Variants in HDX observed in about 807,000 individuals in gnomAD.
HDX encodes the protein highly divergent homeobox, also known as chromosome X open reading frame 43.
A neutral mutation model predicts 45.2 loss-of-function variants in HDX; 19 were observed. The observed-to-expected ratio is 0.42, with a 90% CI of 0.29 to 0.62. HDX has a LOEUF of 0.62. HDX is among the 20% of genes least tolerant of loss of function. HDX has a pLI of 0.20. For synonymous variants in HDX, 188 were observed against 172.8 expected, an observed-to-expected ratio of 1.09 and a Z score of -0.69; for missense variants, 532 against 493.9, an observed-to-expected ratio of 1.08 and a Z score of -0.73.
chrX:84,405,039 C>T (rs186407128), intron 5 of HDX, among the ~76,000 whole-genome samples: 67 of 110,340 alleles, frequency 6.1e-4, no homozygotes, highest in African/African-American at 2.2e-3. Context: ...TTAATATGAA[C>T]GGAAAAAAGC....
intron 5 of HDX, among the ~76,000 whole-genome samples, chrX:84,366,853 A>C (rs1485622137): frequency 1.8e-5 from 2 of 112,196 alleles, no homozygotes; most frequent in Non-Finnish European, 3.8e-5. Context: ...TTAACTCAAG[A>C]TGGATTAAAG....
intron 4 of HDX, among the ~76,000 whole-genome samples, chrX:84,449,997 C>G (rs954797311): frequency 2.7e-5 from 3 of 110,171 alleles, no homozygotes; most frequent in African/African-American, 9.9e-5. Context: ...GGAGATATAC[C>G]TAATGTTAAA....
chrX:84,387,460 T>G, intron 5 of HDX, among the ~76,000 whole-genome samples: 1 of 111,807 alleles, frequency 8.9e-6, no homozygotes, highest in Non-Finnish European at 1.9e-5. Flanking sequence ...ATTGTCTAAG[T>G]CTTTTTGTAG....
chrX:84,501,932 G>C (rs1044891091), intron 1 of HDX, among the ~76,000 whole-genome samples: 2 of 111,775 alleles, frequency 1.8e-5, no homozygotes, highest in South Asian at 7.5e-4. Context: ...TACGCTCTCA[G>C]TGCCTTTGAG....
At chrX:84,336,513 T>G (rs1479338597) in intron 8 of HDX, among the ~76,000 whole-genome samples, 4 of 111,502 alleles carry the variant, frequency 3.6e-5, no homozygotes, top group African/African-American at 1.3e-4. Context: ...CTTTGCTAAC[T>G]GTGTTGAAGA....
chrX:84,374,938 A>G (rs1453516146), intron 5 of HDX, among the ~76,000 whole-genome samples: 1 of 105,120 alleles, frequency 9.5e-6, no homozygotes, highest in Non-Finnish European at 2.0e-5. Flanking sequence ...AAAAGAAACT[A>G]CCATCAGAGT....
intron 5 of HDX, among the ~76,000 whole-genome samples, chrX:84,412,381 C>G (rs371429196): frequency 2.7e-4 from 30 of 111,436 alleles, no homozygotes; most frequent in Non-Finnish European, 2.3e-4. Flanking sequence ...GTATCATTTG[C>G]TTGTCTGAAA....
chrX:84,470,354 G>A (rs2040432976), intron 3 of HDX, among the ~76,000 whole-genome samples: 1 of 111,575 alleles, frequency 9.0e-6, no homozygotes, highest in Non-Finnish European at 1.9e-5. Context: ...TTAATAAAAA[G>A]TGTATAATTG....
chrX:84,496,237 C>T (rs1010118543), intron 1 of HDX, among the ~76,000 whole-genome samples: 2 of 111,512 alleles, frequency 1.8e-5, no homozygotes, highest in Admixed American at 9.5e-5. Context: ...ATGCTTAGAT[C>T]GCATATTTCT....
At chrX:84,455,431 A>T (rs192006563) in intron 4 of HDX, among the ~76,000 whole-genome samples, 1 of 112,566 alleles carries the variant, frequency 8.9e-6, no homozygotes, top group East Asian at 2.8e-4. Flanking sequence ...ACTGACATAC[A>T]GAAGAATGCA....
At chrX:84,414,152 G>A (rs949173870) in intron 5 of HDX, among the ~76,000 whole-genome samples, 4 of 111,742 alleles carry the variant, frequency 3.6e-5, no homozygotes, top group East Asian at 2.8e-4. Flanking sequence ...ACCCCAACTC[G>A]TAGAACCAAG....
chrX:84,389,088 G>A (rs372768410), intron 5 of HDX, among the ~76,000 whole-genome samples: 16 of 111,946 alleles, frequency 1.4e-4, no homozygotes, highest in Non-Finnish European at 2.3e-4. Flanking sequence ...AATATTTGGC[G>A]TTGTAGTTTT....
At chrX:84,464,337 T>C (rs1360674242) in intron 4 of HDX, among the ~76,000 whole-genome samples, 2 of 111,356 alleles carry the variant, frequency 1.8e-5, no homozygotes, top group Admixed American at 1.9e-4. Context: ...TTAAATTTCA[T>C]ATGGAACCAA....
chrX:84,324,450 TTCTA>T (rs1030890397), intron 10 of HDX, among the ~76,000 whole-genome samples: 5 of 111,483 alleles, frequency 4.5e-5, no homozygotes, highest in Non-Finnish European at 9.5e-5. Context: ...TGTGACCATA[TTCTA>T]AGATTCATTA....
At chrX:84,465,831 A>G (rs1264622486) in intron 4 of HDX, among the ~76,000 whole-genome samples, 1 of 111,702 alleles carries the variant, frequency 9.0e-6, no homozygotes, top group East Asian at 2.8e-4. Context: ...ATAATAATAG[A>G]AAGTTGACAA....
intron 5 of HDX, among the ~76,000 whole-genome samples, chrX:84,395,149 G>A (rs1204550893): frequency 9.1e-6 from 1 of 110,201 alleles, no homozygotes. Flanking sequence ...TTTTGTTTGT[G>A]TGTTTGCTCT....
intron 5 of HDX, among the ~76,000 whole-genome samples, chrX:84,404,357 A>G (rs2038769486): frequency 1.8e-5 from 2 of 111,749 alleles, no homozygotes; most frequent in Admixed American, 1.9e-4. Context: ...GCTGTGTCAC[A>G]TCTGTAGGAT....
At chrX:84,475,692 G>GA (rs1473346757) in intron 2 of HDX, among the ~76,000 whole-genome samples, 19 of 111,994 alleles carry the variant, frequency 1.7e-4, no homozygotes, top group African/African-American at 5.8e-4. Flanking sequence ...TAATACATGG[G>GA]AAAAAAGATA....
chrX:84,398,077 A>G (rs1324471022), intron 5 of HDX, among the ~76,000 whole-genome samples: 5 of 109,593 alleles, frequency 4.6e-5, no homozygotes, highest in African/African-American at 1.7e-4. Flanking sequence ...GTGGCCCACC[A>G]TATATATATA....
Sources: allele counts gnomAD v4.1 joint callset (sites outside exome capture counted in the v4.1 genomes callset), GRCh38; gene constraint gnomAD v4.1.1; transcripts MANE v1.5; gene names NCBI Gene and HGNC (gene_info 2026-07-23, HGNC 2026-07-21).